ARL15: variants seen among roughly 807,000 people sequenced by gnomAD.
The protein encoded by ARL15 is ADP-ribosylation factor-like protein 15.
Under a neutral mutation model 25.2 loss-of-function variants are expected in ARL15, and 19 were observed. The observed-to-expected ratio is 0.75, with a 90% CI of 0.53 to 1.10. ARL15 has a LOEUF of 1.10. Among genes scored for constraint, ARL15 ranks in the 50% least tolerant of loss-of-function variants. ARL15 has a pLI of 0.00. For synonymous variants in ARL15, 94 were observed against 86.8 expected (o/e 1.08, Z -0.46); for missense variants, 220 against 246.0 (o/e 0.89, Z 0.71).
chr5:54,065,029 C>T (rs1242847709), intron 4 of ARL15, among the ~76,000 whole-genome samples: 1 of 151,990 alleles, frequency 6.6e-6, no homozygotes, highest in Non-Finnish European at 1.5e-5. Context: ...TTTGGACAAA[C>T]TAAGTCAAAC....
chr5:54,117,364 GACACATACACACAC>G (rs1453221994), intron 3 of ARL15, among the ~76,000 whole-genome samples: 2 of 90,982 alleles, frequency 2.2e-5, no homozygotes, highest in Non-Finnish European at 4.0e-5. Context: ...CAAATAGTGA[GACACATACACACAC>G]ACACACACAC....
chr5:53,921,667 G>A (rs1000971898), intron 4 of ARL15, among the ~76,000 whole-genome samples: 2 of 152,192 alleles, frequency 1.3e-5, no homozygotes, highest in African/African-American at 4.8e-5. Flanking sequence ...AGCTACTTGG[G>A]AGGCTGAGGT....
chr5:53,994,053 G>C (rs1300843702), intron 4 of ARL15, among the ~76,000 whole-genome samples: 2 of 152,102 alleles, frequency 1.3e-5, no homozygotes, highest in African/African-American at 2.4e-5. Flanking sequence ...GAAAGAGACT[G>C]GAATAACCAC....
intron 4 of ARL15, among the ~76,000 whole-genome samples, chr5:54,096,570 C>A (rs924334917): frequency 6.3e-4 from 96 of 152,192 alleles, no homozygotes; most frequent in African/African-American, 2.3e-3. Context: ...GCCACCACAC[C>A]CAGCTAATTT....
At chr5:54,220,309 C>A in intron 1 of ARL15, among the ~76,000 whole-genome samples, 1 of 152,084 alleles carries the variant, frequency 6.6e-6, no homozygotes, top group Non-Finnish European at 1.5e-5. Flanking sequence ...TCTCCACTCC[C>A]CTCCCCCACC....
At chr5:53,946,785 G>T (rs556887345) in intron 4 of ARL15, among the ~76,000 whole-genome samples, 1 of 152,268 alleles carries the variant, frequency 6.6e-6, no homozygotes, top group South Asian at 2.1e-4. Context: ...TCCATCCATA[G>T]TAAAAAGCTC....
intron 2 of ARL15, 130 bp downstream of exon 2, chr5:54,171,654 G>T: frequency 9.1e-7 from 1 of 1,095,672 alleles, no homozygotes. Flanking sequence ...AAAAGAGATA[G>T]TGTTTAAAAT....
chr5:54,198,832 T>C (rs185992757), intron 1 of ARL15, among the ~76,000 whole-genome samples: 37,426 of 150,994 alleles, frequency 0.25, 5,108 homozygotes, highest in African/African-American at 0.35. Context: ...AGAGCCCGCA[T>C]CGCCAAGTCA....
rs529403112 is a variant in ARL15, at chr5:53,884,513, G to C, written c.*2048C>G. The stretch of plus-strand genomic sequence containing the variant: ...CGAGCTCCGACCTGCTAGACAAAGA[G>C]GGAGCCTTATTGACAGTTGTAAAGC... On this transcript the variant is annotated 3_prime_UTR_variant, in exon 5 of 5. Transcript: ENST00000504924. 1 of 152,144 alleles carries C rather than the reference G, an allele frequency of 6.6e-6. No individual in the cohort carries two copies. Among genetic ancestry groups the C allele is most frequent in the East Asian group, 1.9e-4 (1 of 5,174 alleles). The allele number at this position is 152,144 out of a possible 1,614,324, so 9.4% of individuals were successfully genotyped here.
intron 4 of ARL15, among the ~76,000 whole-genome samples, chr5:54,022,349 CT>C (rs1749632479): frequency 2.0e-5 from 3 of 152,038 alleles, no homozygotes; most frequent in Admixed American, 6.5e-5. Flanking sequence ...CCTGCTGCCC[CT>C]GTCTCTCATC....
chr5:53,994,426 T>C (rs1409651381), intron 4 of ARL15, among the ~76,000 whole-genome samples: 1 of 152,208 alleles, frequency 6.6e-6, no homozygotes, highest in Non-Finnish European at 1.5e-5. Context: ...TATAAAGATG[T>C]CAGTTACATA....
rs138874329 is a variant in ARL15 at position 54,094,501 on chromosome 5, A to G, written c.462+18701T>C. On this transcript the variant is annotated intron_variant, in intron 4 of 4. Coordinates refer to ENST00000504924, the MANE Select transcript of ARL15 (RefSeq NM_019087.3). ...AGCAACAAAAAAGGCACTGGGGTATATAATTCATATATGTATTTTAAGTAA... is the reference window on the plus strand; with the variant it reads ...AGCAACAAAAAAGGCACTGGGGTATGTAATTCATATATGTATTTTAAGTAA... Among the ~76,000 whole-genome samples the G allele has an allele frequency of 7.9e-5, 12 of 152,026 alleles. No individual in the cohort carries two copies. In the East Asian group the frequency reaches 2.3e-3, roughly 29 times the overall value.
intron 4 of ARL15, among the ~76,000 whole-genome samples, chr5:54,025,335 C>G (rs696197): frequency 0.4 from 59,773 of 149,158 alleles, 13,180 homozygotes; most frequent in Admixed American, 0.5. Context: ...ATTGAAAGCA[C>G]TTCCCATGCC....
intron 1 of ARL15, among the ~76,000 whole-genome samples, chr5:54,234,120 C>G (rs998818000): frequency 6.6e-6 from 1 of 152,064 alleles, no homozygotes; most frequent in African/African-American, 2.4e-5. Context: ...CTCAGCTTCC[C>G]AAGTAGCTGG....
chr5:54,039,153 C>T (rs1240194888), intron 4 of ARL15, among the ~76,000 whole-genome samples: 1 of 152,154 alleles, frequency 6.6e-6, no homozygotes, highest in East Asian at 1.9e-4. Context: ...CTCATCCATG[C>T]ATGTACGTAG....
intron 1 of ARL15, among the ~76,000 whole-genome samples, chr5:54,301,077 T>C (rs544641702): frequency 3.9e-5 from 6 of 152,334 alleles, no homozygotes; most frequent in Middle Eastern, 3.4e-3. Flanking sequence ...GTTAAAAGAC[T>C]CCTCTGGGAA....
chr5:53,953,497 T>C (rs1747045595), intron 4 of ARL15, among the ~76,000 whole-genome samples: 1 of 152,178 alleles, frequency 6.6e-6, no homozygotes, highest in Non-Finnish European at 1.5e-5. Flanking sequence ...AGAGAATATA[T>C]TGAGGTAAAT....
chr5:53,895,879 T>C (rs1415980054), intron 4 of ARL15, among the ~76,000 whole-genome samples: 1 of 152,174 alleles, frequency 6.6e-6, no homozygotes, highest in African/African-American at 2.4e-5. Context: ...AATCTTAGAA[T>C]TTTTTTCCAT....
intron 3 of ARL15, among the ~76,000 whole-genome samples, chr5:54,128,719 T>C (rs1376392985): frequency 6.6e-6 from 1 of 150,436 alleles, no homozygotes; most frequent in African/African-American, 2.4e-5. Flanking sequence ...TTTTTTTTTT[T>C]TTTTGAGATG....
Sources: allele counts gnomAD v4.1 joint callset (sites outside exome capture counted in the v4.1 genomes callset), GRCh38; gene constraint gnomAD v4.1.1; transcripts MANE v1.5; gene names NCBI Gene and HGNC (gene_info 2026-07-23, HGNC 2026-07-21).